The following BARHL1 variants were observed in gnomAD, a reference collection of about 807,000 sequenced individuals.
BARHL1 encodes the protein BarH like homeobox 1, also known as barH-like 1 homeobox protein.
Under a neutral mutation model 20.1 loss-of-function variants are expected in BARHL1, and 2 were observed. The ratio of observed to expected loss-of-function variants is 0.10; its 90% CI spans 0.04 to 0.31. BARHL1 has a LOEUF of 0.31. Among genes scored for constraint, BARHL1 ranks in the 10% least tolerant of loss-of-function variants. The probability of loss-of-function intolerance (pLI) is 1.00; values close to 1 mark genes in which losing one functional copy is unlikely to be tolerated. For missense variants in BARHL1, 397 were observed against 454.0 expected, an observed-to-expected ratio of 0.87 and a Z score of 1.14; for synonymous variants, 213 against 209.9, an observed-to-expected ratio of 1.01 and a Z score of -0.13.
At chr9:132,586,811 AAG>A (rs1237328775) in intron 1 of BARHL1, among the ~76,000 whole-genome samples, 1 of 152,256 alleles carries the variant, frequency 6.6e-6, no homozygotes, top group Non-Finnish European at 1.5e-5. Flanking sequence ...CTTGAGGACA[AAG>A]AGTGATTCCG....
In BARHL1 at chr9:132,583,028, C is replaced by T. The variant is rs766234421; in HGVS notation, c.231C>T (p.His77=). The change falls in exon 1 of 3, where the codon CAC becomes CAT. Residue 77 remains histidine (H), a synonymous_variant. Transcript: ENST00000263610. ...CATCCGGCCCAGGTTTGGACTCCCA[C>T]CTGCAGCCCGGGCAGCTCTCAGCCC... is the stretch of plus-strand genomic sequence containing the variant. ...GGASGPGLDS[H]LQPGQLSAPA... is the part of the protein sequence containing the mutation. 28 of 1,613,854 alleles carry T rather than the reference C, an allele frequency of 1.7e-5. No individual in the cohort carries two copies. The highest frequency in any genetic ancestry group is 2.3e-5 in the Non-Finnish European group (27 of 1,179,958).
At chr9:132,588,804 C>G (rs1032312575) in intron 2 of BARHL1, among the ~76,000 whole-genome samples, 3 of 149,834 alleles carry the variant, frequency 2.0e-5, no homozygotes, top group Admixed American at 1.3e-4. Flanking sequence ...AGCACCCCCC[C>G]ATCCCCTCAG....
chr9:132,585,575 C>A (rs1260290226), intron 1 of BARHL1, among the ~76,000 whole-genome samples: 3 of 152,174 alleles, frequency 2.0e-5, no homozygotes, highest in Non-Finnish European at 4.4e-5. Context: ...GAGTTTTGTT[C>A]CCAGCAGGCA....
intron 1 of BARHL1, 112 bp downstream of exon 1, chr9:132,583,375 G>A: frequency 1.0e-6 from 1 of 958,204 alleles, no homozygotes; most frequent in Non-Finnish European, 1.5e-6. Flanking sequence ...GCTCCCCCAG[G>A]GCTCAGGTTG....
At chr9:132,585,940 A>C (rs1830139392) in intron 1 of BARHL1, among the ~76,000 whole-genome samples, 1 of 152,258 alleles carries the variant, frequency 6.6e-6, no homozygotes, top group Non-Finnish European at 1.5e-5. Context: ...AAACTTATTT[A>C]AACTATCTGT....
chr9:132,588,085 G>A (rs578066207), intron 2 of BARHL1, among the ~76,000 whole-genome samples: 1 of 152,204 alleles, frequency 6.6e-6, no homozygotes, highest in Non-Finnish European at 1.5e-5. Context: ...GGGGGAACTG[G>A]CCAAGCCCTT....
intron 1 of BARHL1, among the ~76,000 whole-genome samples, chr9:132,585,819 G>A (rs1830137956): frequency 6.6e-6 from 1 of 152,222 alleles, no homozygotes; most frequent in Non-Finnish European, 1.5e-5. Flanking sequence ...GACCTCCAAC[G>A]CAGACCTCGT....
chr9:132,584,125 G>T (rs1036042643), intron 1 of BARHL1, among the ~76,000 whole-genome samples: 32 of 42,736 alleles, frequency 7.5e-4, no homozygotes, highest in African/African-American at 2.2e-3. Flanking sequence ...AAAGGGAGAA[G>T]GAAGGAAGGA....
At position 132,583,069 on chromosome 9, in the gene BARHL1, C is replaced by G; in HGVS notation, c.272C>G (p.Thr91Ser). The G allele has an allele frequency of 3.1e-6, 5 of 1,613,934 alleles. No individual in the cohort carries two copies. Among genetic ancestry groups the G allele is most frequent in the Non-Finnish European group, 4.2e-6 (5 of 1,179,970 alleles). The change falls in exon 1 of 3, where the codon ACC (threonine) becomes AGC (serine). Residue 91 changes from threonine (T) to serine (S), a missense_variant. Transcript: ENST00000263610. ...CTCTCAGCCCCGGCCCAGTCGCGCA[C>G]CGTCACCTCCTCCTTTCTGATCAGG... is the stretch of plus-strand genomic sequence containing the variant. Reference protein sequence around the residue: ...GQLSAPAQSRTVTSSFLIRDI... With the variant: ...GQLSAPAQSRSVTSSFLIRDI...
At chr9:132,584,167 A>AAGGGAGGG (rs915937470) in intron 1 of BARHL1, among the ~76,000 whole-genome samples, 2 of 139,060 alleles carry the variant, frequency 1.4e-5, no homozygotes, top group African/African-American at 5.2e-5. Context: ...GGAAGGAAGG[A>AAGGGAGGG]AGGGAAAGGG....
In BARHL1 at chr9:132,587,694, C is replaced by T; in HGVS notation, c.689+143C>T. 1 of 797,844 alleles carries T rather than the reference C, an allele frequency of 1.3e-6. No individual in the cohort carries two copies. The highest frequency in any genetic ancestry group is 2.0e-6 in the Non-Finnish European group (1 of 506,758). 49.4% of individuals were successfully genotyped at this position (797,844 alleles called of 1,614,324 possible). ...TTCTGTAAAAGTGGGAAACTGAGTCCCTAAGGGGACAAGGCCTTGCCCAAA... is the reference window on the plus strand; with the variant it reads ...TTCTGTAAAAGTGGGAAACTGAGTCTCTAAGGGGACAAGGCCTTGCCCAAA... On this transcript the variant is annotated intron_variant, in intron 2 of 2. Coordinates refer to ENST00000263610, the MANE Select transcript of BARHL1 (RefSeq NM_020064.4). This position sits in a 1 kb window ranked among gnomAD's most constrained non-coding sequence, Gnocchi z 5.5.
intron 1 of BARHL1, among the ~76,000 whole-genome samples, chr9:132,585,499 G>A (rs576760999): frequency 6.6e-6 from 1 of 152,204 alleles, no homozygotes; most frequent in Non-Finnish European, 1.5e-5. Flanking sequence ...GCCAAAACTC[G>A]GCTTTGAAGT....
chr9:132,585,486 G>T (rs558935028), intron 1 of BARHL1, among the ~76,000 whole-genome samples: 8 of 152,318 alleles, frequency 5.3e-5, no homozygotes, highest in Non-Finnish European at 8.8e-5. Context: ...AATATTTAAA[G>T]AAGCCAAAAC....
intron 1 of BARHL1, among the ~76,000 whole-genome samples, chr9:132,584,836 C>T (rs1564260441): frequency 6.6e-6 from 1 of 152,134 alleles, no homozygotes. Flanking sequence ...AGAAAACTTG[C>T]GCTGGAGAGA....
In BARHL1 at chr9:132,589,723, C is replaced by A; in HGVS notation, c.*201C>A. 1 of 659,700 alleles carries A rather than the reference C, an allele frequency of 1.5e-6. No homozygotes were observed. Among genetic ancestry groups the A allele is most frequent in the Middle Eastern group, 5.1e-4 (1 of 1,962 alleles). The allele number at this position is 659,700 out of a possible 1,614,324, so 40.9% of individuals were successfully genotyped here. A position where few individuals can be genotyped will look rare whatever the true frequency, so the allele number is the denominator to read the frequency against. ...CCCCGGACTGCGTCTCCCCAGCCCC[C>A]CTCGGCGTCCTCTCTCGCGGCCGCT... On this transcript the variant is annotated 3_prime_UTR_variant, in exon 3 of 3. Coordinates refer to ENST00000263610, the MANE Select transcript of BARHL1 (RefSeq NM_020064.4).
intron 1 of BARHL1, among the ~76,000 whole-genome samples, chr9:132,584,121 A>AGAATGAAG (rs1305183805): frequency 1.1e-3 from 162 of 144,218 alleles, no homozygotes; most frequent in African/African-American, 3.8e-3. Context: ...AAGGAAAGGG[A>AGAATGAAG]GAAGGAAGGA....
intron 1 of BARHL1, among the ~76,000 whole-genome samples, chr9:132,585,532 G>T (rs1180381069): frequency 6.6e-6 from 1 of 152,208 alleles, no homozygotes; most frequent in Non-Finnish European, 1.5e-5. Flanking sequence ...GACACTAGCG[G>T]CTGGATCCAA....
chr9:132,582,945 T>G lies in BARHL1; in HGVS notation c.148T>G (p.Ser50Ala). ...PRSESSSDCSSPASPGRDCLE... is the reference protein window; with the variant it reads ...PRSESSSDCSAPASPGRDCLE... ...CTCAGAGAGCAGCAGCGACTGCTCT[T>G]CGCCAGCCTCTCCAGGAAGGGACTG... The change falls in exon 1 of 3, where the codon TCG becomes GCG. Residue 50 changes from serine (S) to alanine (A), a missense_variant. Around this residue, in one of 3 missense-constraint regions of BARHL1, gnomAD observed 272 missense variants for 298.7 expected, o/e 0.91. Transcript: ENST00000263610. 1.9e-6 allele frequency: 3 copies of G among 1,613,324 alleles called. No individual in the cohort carries two copies. The highest frequency in any genetic ancestry group is 1.7e-6 in the Non-Finnish European group (2 of 1,179,950).
At position 132,587,680 on chromosome 9, in the gene BARHL1, T is replaced by A; in HGVS notation, c.689+129T>A. ...CAGAGCCTCCCCCATTCTGTAAAAG[T>A]GGGAAACTGAGTCCCTAAGGGGACA... On this transcript the variant is annotated intron_variant, in intron 2 of 2. Coordinates refer to ENST00000263610, the MANE Select transcript of BARHL1 (RefSeq NM_020064.4). This position sits in a 1 kb window ranked among gnomAD's most constrained non-coding sequence, Gnocchi z 5.5. The A allele has an allele frequency of 1.1e-6, 1 of 903,800 alleles. No homozygotes were observed. Among genetic ancestry groups the A allele is most frequent in the Non-Finnish European group, 1.7e-6 (1 of 600,452 alleles). 56.0% of individuals were successfully genotyped at this position (903,800 alleles called of 1,614,324 possible). A position where few individuals can be genotyped will look rare whatever the true frequency, so the allele number is the denominator to read the frequency against.
Sources: allele counts gnomAD v4.1 joint callset (sites outside exome capture counted in the v4.1 genomes callset), GRCh38; gene constraint gnomAD v4.1.1; regional missense constraint gnomAD v4.1.1; non-coding constraint Gnocchi (gnomAD v3.1); transcripts MANE v1.5; gene names NCBI Gene and HGNC (gene_info 2026-07-23, HGNC 2026-07-21).